The following TEX29 variants were observed in gnomAD, a reference collection of about 807,000 sequenced individuals.
The protein encoded by TEX29 is testis expressed 29.
A neutral mutation model predicts 18.2 loss-of-function variants in TEX29; 26 were observed. The ratio of observed to expected loss-of-function variants is 1.43; its 90% CI spans 1.04 to 1.98. The LOEUF (loss-of-function observed/expected upper bound fraction) is 1.98, where lower values mean the gene tolerates loss of function less well. Among genes scored for constraint, TEX29 ranks in the 30% most tolerant of loss-of-function variants. TEX29 has a pLI of 0.00. For missense variants in TEX29, 177 were observed against 194.2 expected (o/e 0.91, Z 0.53); for synonymous variants, 83 against 78.5 (o/e 1.06, Z -0.31).
At position 111,328,567 on chromosome 13, in the gene TEX29, C is replaced by A. The variant is rs941956644; in HGVS notation, c.169+274C>A. ...CATGGACGGGGACAAATGGAGGCCC[C>A]CTTCATGGAGGAATTTGGCCATTCT... On this transcript the variant is annotated intron_variant, in intron 3 of 5. Transcript: ENST00000283547. Among the ~76,000 whole-genome samples, 16 of 152,142 alleles carry A rather than the reference C, an allele frequency of 1.1e-4. 1 individual carries two copies. Among genetic ancestry groups the A allele is most frequent in the African/African-American group, 3.9e-4 (16 of 41,518 alleles).
intron 3 of TEX29, among the ~76,000 whole-genome samples, chr13:111,333,507 A>G (rs2093685421): frequency 6.6e-6 from 1 of 152,186 alleles, no homozygotes; most frequent in African/African-American, 2.4e-5. Context: ...GAGCATCTCC[A>G]GTGAATTTTC....
upstream of TEX29, chr13:111,320,538 A>G (rs938340555): frequency 2.8e-6 from 1 of 360,782 alleles, no homozygotes; most frequent in Non-Finnish European, 5.2e-6. Flanking sequence ...CAAGGTGGAC[A>G]CGCACACGGC....
chr13:111,342,650 C>A, intron 4 of TEX29, 106 bp from the exon 5 acceptor site: 1 of 1,066,082 alleles, frequency 9.4e-7, no homozygotes, highest in Non-Finnish European at 1.3e-6. Flanking sequence ...TATGCATGAT[C>A]AGGAACCTGT....
intron 3 of TEX29, among the ~76,000 whole-genome samples, 186 bp from the exon 4 acceptor site, chr13:111,339,677 G>A (rs2093694539): frequency 6.6e-6 from 1 of 152,130 alleles, no homozygotes; most frequent in African/African-American, 2.4e-5. Context: ...TGCCTGCGGG[G>A]GCCTTTGGAG....
At chr13:111,334,996 A>G (rs2093687625) in intron 3 of TEX29, among the ~76,000 whole-genome samples, 1 of 152,206 alleles carries the variant, frequency 6.6e-6, no homozygotes, top group African/African-American at 2.4e-5. Flanking sequence ...AAAAGGTCCA[A>G]GCTTGCTCTT....
intron 2 of TEX29, among the ~76,000 whole-genome samples, chr13:111,324,951 C>T (rs373921459): frequency 3.6e-3 from 543 of 152,184 alleles, no homozygotes; most frequent in African/African-American, 0.012. Flanking sequence ...GTGGGATGAG[C>T]GAGGGAATGA....
chr13:111,317,426 G>A (rs1007669957), upstream of TEX29, among the ~76,000 whole-genome samples: 1 of 152,134 alleles, frequency 6.6e-6, no homozygotes, highest in African/African-American at 2.4e-5. Context: ...GTTGCCCTCT[G>A]GTGCCCTGGT....
chr13:111,320,526 G>T, upstream of TEX29: 1 of 336,794 alleles, frequency 3.0e-6, no homozygotes, highest in South Asian at 3.1e-5. Context: ...TGCAGCCAGT[G>T]TCAAGGTGGA....
chr13:111,324,221 AC>A (rs1249105827), intron 2 of TEX29, among the ~76,000 whole-genome samples: 2 of 152,088 alleles, frequency 1.3e-5, no homozygotes, highest in African/African-American at 2.4e-5. Flanking sequence ...ATCTTTGGAA[AC>A]CTGTCTGTGG....
chr13:111,321,462 A>C (rs2093664408), intron 2 of TEX29, among the ~76,000 whole-genome samples: 1 of 152,220 alleles, frequency 6.6e-6, no homozygotes, highest in African/African-American at 2.4e-5. Flanking sequence ...GGGGGATGAC[A>C]GTGACTTATG....
chr13:111,338,399 G>A (rs1440540369), intron 3 of TEX29, among the ~76,000 whole-genome samples: 1 of 152,090 alleles, frequency 6.6e-6, no homozygotes, highest in Non-Finnish European at 1.5e-5. Context: ...GACCCTTCCC[G>A]GGAGCCTTTG....
chr13:111,332,725 G>A (rs2093684443), intron 3 of TEX29, among the ~76,000 whole-genome samples: 2 of 152,158 alleles, frequency 1.3e-5, no homozygotes, highest in Admixed American at 1.3e-4. Flanking sequence ...CACACGAGTT[G>A]AGAAAGCTCC....
At chr13:111,343,303 G>A (rs956901927) in intron 5 of TEX29, among the ~76,000 whole-genome samples, 1 of 152,070 alleles carries the variant, frequency 6.6e-6, no homozygotes, top group Admixed American at 6.6e-5. Flanking sequence ...CTGCAGGGCT[G>A]CCATGGGTAC....
rs1233978120 is a variant in TEX29, at chr13:111,342,742, C to A, written c.240-14C>A. 3 of 1,611,344 alleles carry A rather than the reference C, an allele frequency of 1.9e-6. No homozygotes were observed. Among genetic ancestry groups the A allele is most frequent in the African/African-American group, 2.7e-5 (2 of 74,820 alleles). Reference sequence around the variant, plus strand: ...GTAACTTCCCTGACTGTGATAAAACCCTCTTCCCATCAGAGTCATTCAGGA... The same window carrying A: ...GTAACTTCCCTGACTGTGATAAAACACTCTTCCCATCAGAGTCATTCAGGA... On this transcript the variant is annotated splice_polypyrimidine_tract_variant and intron_variant, in intron 4 of 5. Transcript: ENST00000283547.
intron 3 of TEX29, among the ~76,000 whole-genome samples, chr13:111,337,286 A>C (rs1263863119): frequency 6.6e-6 from 1 of 152,140 alleles, no homozygotes; most frequent in Non-Finnish European, 1.5e-5. Context: ...TGGCTGTCTC[A>C]TGAGATTGTG....
At chr13:111,332,459 C>A (rs2093684084) in intron 3 of TEX29, among the ~76,000 whole-genome samples, 1 of 152,026 alleles carries the variant, frequency 6.6e-6, no homozygotes, top group Non-Finnish European at 1.5e-5. Flanking sequence ...TTTTTGCATA[C>A]AAGATCATGG....
chr13:111,320,988 G>GGGC, intron 2 of TEX29, 40 bp downstream of exon 2: 2 of 431,432 alleles, frequency 4.6e-6, no homozygotes, highest in Non-Finnish European at 8.6e-6. Flanking sequence ...TGGGGTGGGG[G>GGGC]AGCAGTTGGG....
intron 3 of TEX29, among the ~76,000 whole-genome samples, chr13:111,330,694 A>G (rs754681533): frequency 1.3e-5 from 2 of 152,230 alleles, no homozygotes; most frequent in Admixed American, 6.5e-5. Flanking sequence ...GTACCACTCC[A>G]GAAAGAACCC....
At chr13:111,329,845 G>C (rs2093680081) in intron 3 of TEX29, among the ~76,000 whole-genome samples, 1 of 152,128 alleles carries the variant, frequency 6.6e-6, no homozygotes, top group African/African-American at 2.4e-5. Context: ...TTGATGGCTG[G>C]TTGTAGACTC....
Sources: gnomAD v4.1 joint callset for allele counts (sites outside exome capture counted in the v4.1 genomes callset) on GRCh38, gnomAD v4.1.1 for gene constraint, MANE v1.5 for transcripts, NCBI Gene and HGNC (gene_info 2026-07-23, HGNC 2026-07-21) for gene names.